SLCO1B1: variants seen among roughly 807,000 people sequenced by gnomAD.
The protein encoded by SLCO1B1 is OATP-2.
A neutral mutation model predicts 70.1 loss-of-function variants in SLCO1B1; 81 were observed. The ratio of observed to expected loss-of-function variants is 1.16; its 90% CI spans 0.97 to 1.39. The LOEUF (loss-of-function observed/expected upper bound fraction) is 1.39, where lower values mean the gene tolerates loss of function less well. Among genes scored for constraint, SLCO1B1 ranks in the 40% most tolerant of loss-of-function variants. The pLI is 0.00. For missense variants in SLCO1B1, 895 were observed against 799.6 expected (o/e 1.12, Z -1.44); for synonymous variants, 283 against 271.5 (o/e 1.04, Z -0.42).
chr12:21,207,302 T>C (rs1053465138), intron 11 of SLCO1B1, among the ~76,000 whole-genome samples: 221 of 151,918 alleles, frequency 1.5e-3, no homozygotes, highest in African/African-American at 5.2e-3. Context: ...ATCTCTCCAC[T>C]CTAGTAGTCT....
At chr12:21,226,523 T>C (rs1941483949) in intron 14 of SLCO1B1, among the ~76,000 whole-genome samples, 2 of 151,992 alleles carry the variant, frequency 1.3e-5, no homozygotes, top group African/African-American at 4.8e-5. Context: ...CAATGAAACA[T>C]CAGTGGTTGC....
At chr12:21,170,874 G>A (rs1271401488) in intron 2 of SLCO1B1, among the ~76,000 whole-genome samples, 5 of 152,148 alleles carry the variant, frequency 3.3e-5, no homozygotes, top group African/African-American at 1.2e-4. Flanking sequence ...GTTTTGTTGG[G>A]CCTTTTATCT....
chr12:21,174,790 T>C (rs1565673180), intron 4 of SLCO1B1, 81 bp downstream of exon 4: 4 of 1,422,956 alleles, frequency 2.8e-6, no homozygotes, highest in Non-Finnish European at 2.9e-6. Context: ...TATTATCCCT[T>C]TAAATAGGCA....
chr12:21,214,926 G>A (rs527731751), intron 11 of SLCO1B1, among the ~76,000 whole-genome samples: 9 of 151,956 alleles, frequency 5.9e-5, no homozygotes, highest in Non-Finnish European at 1.2e-4. Context: ...TTCGGCTCAC[G>A]CACGGTGCGC....
chr12:21,217,198 G>A lies in SLCO1B1; in HGVS notation c.1577G>A (p.Arg526Lys). 2 of 1,613,738 alleles carry A rather than the reference G, an allele frequency of 1.2e-6. No individual in the cohort carries two copies. The highest frequency in any genetic ancestry group is 1.7e-6 in the Non-Finnish European group (2 of 1,179,684). Residue 526 changes from arginine (R) to lysine (K), a missense_variant, in exon 12 of 15, where the codon AGA becomes AAA. Coordinates refer to ENST00000256958, the MANE Select transcript of SLCO1B1 (RefSeq NM_006446.5). Reference sequence around the variant, plus strand: ...TCAGCCCATTTGGGTGAATGCCCAAGAGATGATGCTTGTACAAGGAAATTT... The same window carrying A: ...TCAGCCCATTTGGGTGAATGCCCAAAAGATGATGCTTGTACAAGGAAATTT... ...NYSAHLGECP[R>K]DDACTRKFYF... is the part of the protein sequence containing the mutation.
chr12:21,137,500 G>A (rs908576709), intron 1 of SLCO1B1, among the ~76,000 whole-genome samples: 3 of 152,146 alleles, frequency 2.0e-5, no homozygotes, highest in Non-Finnish European at 2.9e-5. Flanking sequence ...CTTCCCAGCC[G>A]CTTTGTTTAC....
chr12:21,152,787 TA>T (rs1940492072), intron 2 of SLCO1B1, among the ~76,000 whole-genome samples: 1 of 152,056 alleles, frequency 6.6e-6, no homozygotes, highest in Admixed American at 6.6e-5. Context: ...AAAGTCCTAT[TA>T]AAAACAGAGG....
chr12:21,173,068 A>T lies in SLCO1B1; in HGVS notation c.226+277A>T, dbSNP rs189018516. ...ATAGTGAGGATGTTCAGAAACCCTG[A>T]TTCTACACAAATTCATTTTTTGCAA... On this transcript the variant is annotated intron_variant, in intron 3 of 14. Coordinates refer to ENST00000256958, the MANE Select transcript of SLCO1B1 (RefSeq NM_006446.5). Among the ~76,000 whole-genome samples the T allele has an allele frequency of 3.7e-3, 565 of 152,268 alleles. 5 individuals carry two copies. Among genetic ancestry groups the T allele is most frequent in the Non-Finnish European group, 4.6e-3 (310 of 68,006 alleles).
At chr12:21,159,215 GT>G (rs1325548424) in intron 2 of SLCO1B1, among the ~76,000 whole-genome samples, 3 of 152,014 alleles carry the variant, frequency 2.0e-5, no homozygotes, top group Non-Finnish European at 2.9e-5. Flanking sequence ...AGCCAAAACT[GT>G]TTTTGAACAG....
intron 11 of SLCO1B1, among the ~76,000 whole-genome samples, chr12:21,214,697 G>A (rs1941336183): frequency 6.6e-6 from 1 of 151,978 alleles, no homozygotes; most frequent in East Asian, 1.9e-4. Flanking sequence ...TCAGACTGCT[G>A]TGCTAGCAAT....
At chr12:21,133,570 A>G (rs1454064015) in intron 1 of SLCO1B1, among the ~76,000 whole-genome samples, 2 of 152,022 alleles carry the variant, frequency 1.3e-5, no homozygotes, top group Non-Finnish European at 2.9e-5. Flanking sequence ...TTGGATTCCT[A>G]GGTATTTTAT....
intron 3 of SLCO1B1, among the ~76,000 whole-genome samples, chr12:21,173,704 G>T (rs1265578793): frequency 6.7e-6 from 1 of 148,620 alleles, no homozygotes; most frequent in East Asian, 2.0e-4. Flanking sequence ...GAAGTGCTCA[G>T]TTATCCTTAA....
chr12:21,208,846 G>C (rs1329060742), intron 11 of SLCO1B1, among the ~76,000 whole-genome samples: 2 of 151,672 alleles, frequency 1.3e-5, no homozygotes, highest in Admixed American at 1.3e-4. Context: ...TCACTTCCTT[G>C]GTTTAAATGT....
chr12:21,154,335 A>G (rs370809854), intron 2 of SLCO1B1, among the ~76,000 whole-genome samples: 19 of 152,210 alleles, frequency 1.2e-4, no homozygotes, highest in Non-Finnish European at 2.5e-4. Context: ...AAGAGACCCA[A>G]TAGAGCTTCC....
chr12:21,184,616 T>C (rs986023323), intron 7 of SLCO1B1, among the ~76,000 whole-genome samples: 1 of 151,984 alleles, frequency 6.6e-6, no homozygotes, highest in Non-Finnish European at 1.5e-5. Flanking sequence ...TCTAGAAGAG[T>C]GCTAAACATG....
At position 21,217,118 on chromosome 12, in the gene SLCO1B1, G is replaced by C. The variant is rs1941367799; in HGVS notation, c.1498-1G>C. On this transcript the variant is annotated splice_acceptor_variant, in intron 11 of 14. Transcript: ENST00000256958. LOFTEE classifies it high-confidence loss of function. ...GTCATATTTTATACACAACGCTTAAGGTGTTTTACAACTGCAGTTGTTTGG... is the reference window on the plus strand; with the variant it reads ...GTCATATTTTATACACAACGCTTAACGTGTTTTACAACTGCAGTTGTTTGG... 6.2e-7 allele frequency: 1 copy of C among 1,612,214 alleles called. No homozygotes were observed. Among genetic ancestry groups the C allele is most frequent in the Non-Finnish European group, 8.5e-7 (1 of 1,179,046 alleles).
At chr12:21,172,848 C>A (rs778441592) in intron 3 of SLCO1B1, 57 bp downstream of exon 3, 53 of 1,458,666 alleles carry the variant, frequency 3.6e-5, no homozygotes, top group Non-Finnish European at 4.9e-5. Flanking sequence ...AATATATATG[C>A]TTTACACCAC....
intron 10 of SLCO1B1, among the ~76,000 whole-genome samples, chr12:21,205,033 T>C (rs943670331): frequency 1.3e-5 from 2 of 151,976 alleles, no homozygotes; most frequent in African/African-American, 2.4e-5. Flanking sequence ...AAGCAGAATA[T>C]GCTTTTTAAT....
chr12:21,197,164 A>G lies in SLCO1B1; in HGVS notation c.946A>G (p.Lys316Glu), dbSNP rs765742305. ...DQTANLTNQG[K>E]NITKNVTGFF... ...AACAGCTAATTTGACCAATCAAGGA[A>G]AAAATATTACCAAAAATGTGACTGG... Residue 316 changes from lysine (K) to glutamate (E), a missense_variant, in exon 8 of 15, where the codon AAA becomes GAA. Physicochemically the swap from Lys to Glu is moderately conservative, Grantham distance 56. Coordinates refer to ENST00000256958, the MANE Select transcript of SLCO1B1 (RefSeq NM_006446.5). The G allele has an allele frequency of 6.2e-7, 1 of 1,613,446 alleles. No individual in the cohort carries two copies. Among genetic ancestry groups the G allele is most frequent in the Admixed American group, 1.7e-5 (1 of 59,988 alleles).
Sources: allele counts gnomAD v4.1 joint callset (sites outside exome capture counted in the v4.1 genomes callset), GRCh38; gene constraint gnomAD v4.1.1; transcripts MANE v1.5; gene names NCBI Gene and HGNC (gene_info 2026-07-23, HGNC 2026-07-21).